Variants in SYTL2 observed in about 807,000 individuals in gnomAD.
SYTL2 encodes the protein synaptotagmin like 2.
In SYTL2, 165 loss-of-function variants were observed where a neutral mutation model predicts 198.7. That is an observed-to-expected ratio of 0.83 (90% CI 0.73 to 0.94). SYTL2 has a LOEUF of 0.94. SYTL2 is among the 40% of genes least tolerant of loss of function. SYTL2 has a pLI of 0.00. For synonymous variants in SYTL2, 966 were observed against 917.7 expected, an observed-to-expected ratio of 1.05 and a Z score of -0.95; for missense variants, 2,835 against 2,582.8, an observed-to-expected ratio of 1.10 and a Z score of -2.12.
chr11:85,710,704 T>C (rs2086100105), intron 13 of SYTL2, among the ~76,000 whole-genome samples: 2 of 152,334 alleles, frequency 1.3e-5, no homozygotes, highest in East Asian at 1.9e-4. Context: ...TATTCTTTCA[T>C]GTCAACCAGT....
At chr11:85,736,976 T>G (rs1358723475) in intron 5 of SYTL2, among the ~76,000 whole-genome samples, 1 of 152,204 alleles carries the variant, frequency 6.6e-6, no homozygotes, top group Non-Finnish European at 1.5e-5. Context: ...CAGTGATTCT[T>G]CTACCATACC....
intron 6 of SYTL2, among the ~76,000 whole-genome samples, chr11:85,736,290 G>T (rs1299583734): frequency 2.6e-5 from 4 of 152,202 alleles, no homozygotes; most frequent in African/African-American, 9.6e-5. Flanking sequence ...ACAAGTCACA[G>T]CTCTGAGACT....
intron 1 of SYTL2, among the ~76,000 whole-genome samples, chr11:85,776,246 C>T (rs115241928): frequency 6.6e-6 from 1 of 152,150 alleles, no homozygotes; most frequent in African/African-American, 2.4e-5. Context: ...CCATCAGAAT[C>T]ATGAGCCAAA....
At chr11:85,759,637 T>C (rs768897917) in intron 1 of SYTL2, among the ~76,000 whole-genome samples, 4 of 152,244 alleles carry the variant, frequency 2.6e-5, no homozygotes, top group Non-Finnish European at 4.4e-5. Flanking sequence ...TTTTGTATTA[T>C]GTCTCTTTCT....
intron 1 of SYTL2, among the ~76,000 whole-genome samples, chr11:85,806,514 C>A (rs536877699): frequency 1.7e-4 from 26 of 152,154 alleles, no homozygotes; most frequent in Non-Finnish European, 3.4e-4. Context: ...ACCTACCTTC[C>A]CCAAAATTCC....
chr11:85,771,339 C>T (rs781337814), intron 1 of SYTL2, among the ~76,000 whole-genome samples: 9 of 152,178 alleles, frequency 5.9e-5, no homozygotes, highest in Non-Finnish European at 1.3e-4. Context: ...GCAAGACTCC[C>T]TGTCTTTGGT....
intron 1 of SYTL2, among the ~76,000 whole-genome samples, chr11:85,781,600 T>A (rs182682056): frequency 6.6e-6 from 1 of 152,300 alleles, no homozygotes; most frequent in East Asian, 1.9e-4. Context: ...CTTATGAGCC[T>A]GTAAAATCAA....
chr11:85,722,421 G>A (rs151289138), intron 8 of SYTL2, among the ~76,000 whole-genome samples: 1,753 of 152,038 alleles, frequency 0.012, 18 homozygotes, highest in Middle Eastern at 0.02. Context: ...TGATCTGCCC[G>A]CCTTGGCCTC....
chr11:85,817,897 C>CTTTTTTTTTTTTTTTTTTTTTTTTTTTT, the SYTL2 span, among the ~76,000 whole-genome samples: 1 of 119,872 alleles, frequency 8.3e-6, no homozygotes. Context: ...ACCTTTGTGT[C>CTTTTTTTTTTTTTTTTTTTTTTTTTTTT]TTTTCTTTTT....
chr11:85,740,558 C>A (rs2090708065), intron 4 of SYTL2, among the ~76,000 whole-genome samples: 1 of 152,214 alleles, frequency 6.6e-6, no homozygotes, highest in African/African-American at 2.4e-5. Flanking sequence ...GAGCCAGATA[C>A]TGTGTCTTCT....
the SYTL2 span, chr11:85,853,266 T>C: frequency 1.8e-5 from 8 of 436,170 alleles, no homozygotes; most frequent in East Asian, 6.4e-4. Context: ...TGTTGCCGTG[T>C]CTTGAGTAGA....
intron 5 of SYTL2, 54 bp from the exon 6 acceptor site, chr11:85,736,669 A>G: frequency 2.1e-6 from 2 of 943,690 alleles, no homozygotes; most frequent in Non-Finnish European, 3.4e-6. Context: ...ACAGCAACTC[A>G]GTGTTGGCAA....
At chr11:85,791,166 CAAAAAAAAA>C (rs568061365) in intron 1 of SYTL2, among the ~76,000 whole-genome samples, 3 of 39,516 alleles carry the variant, frequency 7.6e-5, no homozygotes, top group African/African-American at 1.3e-4. Flanking sequence ...GAGTCTGCCT[CAAAAAAAAA>C]AAAAAAAAAA....
At chr11:85,802,511 T>C (rs117618043) in intron 1 of SYTL2, among the ~76,000 whole-genome samples, 3,224 of 152,270 alleles carry the variant, frequency 0.021, 63 homozygotes, top group Admixed American at 0.039. Flanking sequence ...TCCCTGGCAG[T>C]TGCTCTCTCA....
At chr11:85,818,656 A>ACTATTTATCTATCTATCTATCTATCTAT in the SYTL2 span, among the ~76,000 whole-genome samples, 1 of 149,002 alleles carries the variant, frequency 6.7e-6, no homozygotes, top group Non-Finnish European at 1.5e-5. Context: ...TGTATAAATT[A>ACTATTTATCTATCTATCTATCTATCTAT]CTATCTATCT....
the SYTL2 span, among the ~76,000 whole-genome samples, chr11:85,826,336 T>G: frequency 6.6e-6 from 1 of 152,202 alleles, no homozygotes; most frequent in Non-Finnish European, 1.5e-5. Flanking sequence ...GTGTCCAAAC[T>G]GATTCCCTAA....
chr11:85,767,600 A>T (rs1450064416), intron 1 of SYTL2, among the ~76,000 whole-genome samples: 1 of 152,174 alleles, frequency 6.6e-6, no homozygotes, highest in Admixed American at 6.5e-5. Context: ...TTTTGGTACA[A>T]TCACATACAC....
intron 1 of SYTL2, among the ~76,000 whole-genome samples, chr11:85,792,651 A>C (rs1159644573): frequency 1.3e-5 from 2 of 151,452 alleles, no homozygotes; most frequent in Non-Finnish European, 2.9e-5. Context: ...ATTATACTTT[A>C]AGTTTTAGGG....
At chr11:85,828,432 T>A in the SYTL2 span, among the ~76,000 whole-genome samples, 1 of 152,200 alleles carries the variant, frequency 6.6e-6, no homozygotes, top group East Asian at 1.9e-4. Flanking sequence ...TTAACTCAAG[T>A]CTCTGCTTAA....
Sources: allele counts gnomAD v4.1 joint callset (sites outside exome capture counted in the v4.1 genomes callset), GRCh38; gene constraint gnomAD v4.1.1; transcripts MANE v1.5; gene names NCBI Gene and HGNC (gene_info 2026-07-23, HGNC 2026-07-21).